The following FBXO36 variants were observed in gnomAD, a reference collection of about 807,000 sequenced individuals.
The protein encoded by FBXO36 is F-box only protein 36.
A neutral mutation model predicts 17.0 loss-of-function variants in FBXO36; 18 were observed. The observed-to-expected ratio is 1.06, with a 90% CI of 0.73 to 1.57. The LOEUF is 1.57. FBXO36 is among the 40% of genes most tolerant of loss of function. The pLI is 0.00. For missense variants in FBXO36, 229 were observed against 221.9 expected, an observed-to-expected ratio of 1.03 and a Z score of -0.20; for synonymous variants, 83 against 85.3, an observed-to-expected ratio of 0.97 and a Z score of 0.15.
intron 1 of FBXO36, among the ~76,000 whole-genome samples, chr2:229,952,409 C>G (rs1560438164): frequency 1.3e-5 from 2 of 152,160 alleles, no homozygotes; most frequent in African/African-American, 4.8e-5. Context: ...GAGTCCATCT[C>G]TGTATTCTCT....
At chr2:229,946,687 CAA>C (rs1253674658) in intron 1 of FBXO36, among the ~76,000 whole-genome samples, 4 of 152,158 alleles carry the variant, frequency 2.6e-5, no homozygotes, top group Non-Finnish European at 2.9e-5. Context: ...TTCTAGCAAA[CAA>C]GAGATGGTGA....
At chr2:229,988,538 G>GT (rs557254616) in intron 2 of FBXO36, among the ~76,000 whole-genome samples, 11 of 151,786 alleles carry the variant, frequency 7.2e-5, no homozygotes, top group Non-Finnish European at 1.6e-4. Flanking sequence ...TTGTTTGTTT[G>GT]TTTTTTTGTT....
Position 229,996,767 on chromosome 2 carries a change from A to G in FBXO36, c.222A>G (p.Ile74Met). The change falls in exon 3 of 4, where the codon ATA (isoleucine) becomes ATG (methionine). Residue 74 changes from isoleucine (I) to methionine (M), a missense_variant. Ile to Met is a conservative substitution (Grantham distance 10, BLOSUM62 1). Transcript: ENST00000283946. ...GAATTACAGGTCAAACTGCCTTAAT[A>G]TTTGGTGCAAGAATATTAGACTATG... ...NSHLQGQTALIFGARILDYVI... is the reference protein window; with the variant it reads ...NSHLQGQTALMFGARILDYVI... 3 of 1,610,380 alleles carry G rather than the reference A, an allele frequency of 1.9e-6. No individual in the cohort carries two copies. The South Asian group carries it at 3.3e-5, about 18-fold the overall frequency.
chr2:229,999,217 A>G (rs891067800), intron 3 of FBXO36, among the ~76,000 whole-genome samples: 1 of 143,358 alleles, frequency 7.0e-6, no homozygotes, highest in Non-Finnish European at 1.5e-5. Context: ...ACCTCCGCCT[A>G]TTGGGTTCAA....
chr2:230,011,598 C>CTTTTTTTTTTTTTTCTT lies in FBXO36; in HGVS notation c.*728_*729insCTTTTTTTTTTTTTTTT, dbSNP rs2077416112. 8.1e-6 allele frequency: 1 copy of CTTTTTTTTTTTTTTCTT among 123,442 alleles called. No individual in the cohort carries two copies. The highest frequency in any genetic ancestry group is 1.6e-5 in the Non-Finnish European group (1 of 61,976). 7.6% of individuals were successfully genotyped at this position (123,442 alleles called of 1,614,324 possible). A position where few individuals can be genotyped will look rare whatever the true frequency, so the allele number is the denominator to read the frequency against. On this transcript the variant is annotated 3_prime_UTR_variant, in exon 4 of 4. Coordinates refer to ENST00000283946, the MANE Select transcript of FBXO36 (RefSeq NM_174899.5). Reference sequence around the variant, plus strand: ...AACCTATAAACATTTCTTTTCTTTTCTTTTTTTTTTTTTTTTTGTATTTTC... The same window carrying CTTTTTTTTTTTTTTCTT: ...AACCTATAAACATTTCTTTTCTTTTCTTTTTTTTTTTTTTCTTTTTTTTTTTTTTTTTTTGTATTTTC...
chr2:229,935,870 T>G (rs2076961127), intron 1 of FBXO36, among the ~76,000 whole-genome samples: 1 of 152,150 alleles, frequency 6.6e-6, no homozygotes, highest in South Asian at 2.1e-4. Flanking sequence ...CTCATGGAGC[T>G]TACAGCCTAG....
At chr2:229,940,276 T>A (rs565313941) in intron 1 of FBXO36, among the ~76,000 whole-genome samples, 9 of 152,272 alleles carry the variant, frequency 5.9e-5, no homozygotes, top group African/African-American at 2.2e-4. Flanking sequence ...TAACCTTGTT[T>A]CTTTTTTGGA....
intron 1 of FBXO36, among the ~76,000 whole-genome samples, chr2:229,963,467 C>T (rs1429713468): frequency 1.7e-5 from 2 of 115,496 alleles, no homozygotes; most frequent in African/African-American, 7.0e-5. Context: ...TTTTTCGAGG[C>T]GGAGTCTCAC....
At chr2:229,981,501 T>G (rs2077239491) in intron 2 of FBXO36, among the ~76,000 whole-genome samples, 1 of 151,122 alleles carries the variant, frequency 6.6e-6, no homozygotes, top group Non-Finnish European at 1.5e-5. Context: ...AAGCCAGGAG[T>G]TCGAGACCAA....
At chr2:229,988,612 A>G (rs1285961083) in intron 2 of FBXO36, among the ~76,000 whole-genome samples, 1 of 151,964 alleles carries the variant, frequency 6.6e-6, no homozygotes, top group Non-Finnish European at 1.5e-5. Flanking sequence ...TCAGCTCACT[A>G]CAAGCTCCGT....
chr2:229,952,767 G>A (rs2077063790), intron 1 of FBXO36, among the ~76,000 whole-genome samples: 1 of 152,098 alleles, frequency 6.6e-6, no homozygotes, highest in Admixed American at 6.6e-5. Flanking sequence ...TTGCCAAGAG[G>A]GTACCAGGAG....
intron 1 of FBXO36, among the ~76,000 whole-genome samples, chr2:229,944,679 G>A (rs1229156621): frequency 1.4e-5 from 2 of 145,494 alleles, no homozygotes; most frequent in Admixed American, 7.2e-5. Context: ...TGCAAGCTCC[G>A]CCTCCTGGGT....
chr2:229,949,286 C>G (rs1200463982), intron 1 of FBXO36, among the ~76,000 whole-genome samples: 4 of 152,168 alleles, frequency 2.6e-5, no homozygotes, highest in Non-Finnish European at 4.4e-5. Flanking sequence ...GTCCTTTATT[C>G]TGGCATCCCA....
intron 1 of FBXO36, among the ~76,000 whole-genome samples, chr2:229,928,154 A>G (rs993408912): frequency 6.6e-6 from 1 of 152,222 alleles, no homozygotes; most frequent in South Asian, 2.1e-4. Context: ...ACATTTTTCC[A>G]TGAGAGGAAA....
At chr2:229,995,304 C>A (rs1430892944) in intron 2 of FBXO36, among the ~76,000 whole-genome samples, 1 of 152,072 alleles carries the variant, frequency 6.6e-6, no homozygotes, top group Non-Finnish European at 1.5e-5. Flanking sequence ...ATTCAGAGAA[C>A]TGGGGGGAAA....
At chr2:229,955,805 A>T (rs538176103) in intron 1 of FBXO36, among the ~76,000 whole-genome samples, 2 of 152,340 alleles carry the variant, frequency 1.3e-5, no homozygotes, top group East Asian at 3.9e-4. Flanking sequence ...CTACATTATC[A>T]TGGCCAATGA....
rs773298727 is a variant in FBXO36 at position 229,996,904 on chromosome 2, C to T, written c.359C>T (p.Thr120Ile). ...DLEDIARLCQTSHRFAKLCMS... is the reference protein window; with the variant it reads ...DLEDIARLCQISHRFAKLCMS... ...GAAGATATTGCCAGGCTTTGTCAAA[C>T]ATCACACAGATTTGCAAAGGTAACG... Residue 120 changes from threonine to isoleucine, a missense_variant, in exon 3 of 4, where the codon ACA (threonine) becomes ATA (isoleucine). Physicochemically the swap from Thr to Ile is moderately conservative, Grantham distance 89. Coordinates refer to ENST00000283946, the MANE Select transcript of FBXO36 (RefSeq NM_174899.5). 1 of 1,613,514 alleles carries T rather than the reference C, an allele frequency of 6.2e-7. No homozygotes were observed. Among genetic ancestry groups the T allele is most frequent in the South Asian group, 1.1e-5 (1 of 90,806 alleles).
intron 1 of FBXO36, among the ~76,000 whole-genome samples, chr2:229,937,058 CT>C (rs1440808647): frequency 6.6e-6 from 1 of 152,114 alleles, no homozygotes. Flanking sequence ...TAAAACGCCC[CT>C]GACTATAGGT....
chr2:229,964,968 G>A (rs993370566), intron 1 of FBXO36, among the ~76,000 whole-genome samples: 9 of 152,066 alleles, frequency 5.9e-5, no homozygotes, highest in Non-Finnish European at 1.3e-4. Flanking sequence ...AAAGGTCTTT[G>A]GAGATTTTTC....
Sources: gnomAD v4.1 joint callset for allele counts (sites outside exome capture counted in the v4.1 genomes callset) on GRCh38, gnomAD v4.1.1 for gene constraint, MANE v1.5 for transcripts, NCBI Gene and HGNC (gene_info 2026-07-23, HGNC 2026-07-21) for gene names.